Variants in ADCY1 observed in about 807,000 individuals in gnomAD.
The protein encoded by ADCY1 is adenylate cyclase type 1.
A neutral mutation model predicts 105.4 loss-of-function variants in ADCY1; 28 were observed. The observed-to-expected ratio is 0.27, with a 90% CI of 0.20 to 0.36. The LOEUF (loss-of-function observed/expected upper bound fraction) is 0.36, where lower values mean the gene tolerates loss of function less well. Ranked by LOEUF, ADCY1 falls within the 10% of genes least tolerant of loss-of-function variation. The probability of loss-of-function intolerance (pLI) is 1.00; values close to 1 mark genes in which losing one functional copy is unlikely to be tolerated. For synonymous variants in ADCY1, 655 were observed against 623.8 expected (o/e 1.05, Z -0.75); for missense variants, 977 against 1,434.2 (o/e 0.68, Z 5.15).
In ADCY1 at chr7:45,622,619, C is replaced by T. The variant is rs749689747; in HGVS notation, c.909-13C>T. The T allele has an allele frequency of 1.2e-6, 2 of 1,609,664 alleles. No homozygotes were observed. The highest frequency in any genetic ancestry group is 1.7e-5 in the Admixed American group (1 of 59,902). On this transcript the variant is annotated splice_polypyrimidine_tract_variant and intron_variant, in intron 3 of 19. Coordinates refer to ENST00000297323, the MANE Select transcript of ADCY1 (RefSeq NM_021116.4). ...CTGGGAGAAGGGCAGCCTGGCACCC[C>T]TTTCTCTTGCAGCATCCTGTTTGCT...
chr7:45,590,848 G>C (rs549579278), intron 1 of ADCY1, among the ~76,000 whole-genome samples: 1 of 152,254 alleles, frequency 6.6e-6, no homozygotes, highest in South Asian at 2.1e-4. Flanking sequence ...CTGTCCAGCA[G>C]GGGCAACCTC....
chr7:45,593,842 A>G (rs1242492409), intron 2 of ADCY1, among the ~76,000 whole-genome samples: 2 of 152,280 alleles, frequency 1.3e-5, no homozygotes, highest in African/African-American at 4.8e-5. Flanking sequence ...TAGGATATAC[A>G]ATAAAAGTAG....
At chr7:45,645,124 C>G (rs1334699778) in intron 4 of ADCY1, among the ~76,000 whole-genome samples, 1 of 152,092 alleles carries the variant, frequency 6.6e-6, no homozygotes, top group African/African-American at 2.4e-5. Context: ...CACAAGCCCT[C>G]ATCTGCTTGT....
intron 17 of ADCY1, among the ~76,000 whole-genome samples, chr7:45,707,996 C>T (rs138727591): frequency 2.9e-4 from 44 of 152,344 alleles, no homozygotes; most frequent in African/African-American, 9.9e-4. Context: ...AAATTGCCTA[C>T]TCCCTGGCAT....
chr7:45,719,679 ATC>A lies in ADCY1; in HGVS notation c.*5686_*5687del, dbSNP rs1785431701. ...TGTTTCTGTCGTGTGTGTCATGCACATCTGTGTGTTGCATAGCATAAGCCAAA... is the reference window on the plus strand; with the variant it reads ...TGTTTCTGTCGTGTGTGTCATGCACATGTGTGTTGCATAGCATAAGCCAAA... On this transcript the variant is annotated 3_prime_UTR_variant, in exon 20 of 20. Coordinates refer to ENST00000297323, the MANE Select transcript of ADCY1 (RefSeq NM_021116.4). The A allele has an allele frequency of 6.6e-6, 1 of 152,220 alleles. No individual in the cohort carries two copies. The highest frequency in any genetic ancestry group is 2.4e-5 in the African/African-American group (1 of 41,444). The allele number at this position is 152,220 out of a possible 1,614,324, so 9.4% of individuals were successfully genotyped here.
At chr7:45,623,642 G>C (rs1015095467) in intron 4 of ADCY1, among the ~76,000 whole-genome samples, 8 of 152,332 alleles carry the variant, frequency 5.3e-5, no homozygotes, top group Middle Eastern at 3.4e-3. Flanking sequence ...TCAGCCATCA[G>C]ATTGAAAGCT....
chr7:45,677,222 G>A (rs1037547543), intron 8 of ADCY1, among the ~76,000 whole-genome samples: 4 of 152,102 alleles, frequency 2.6e-5, no homozygotes, highest in African/African-American at 4.8e-5. Context: ...TTCTGGAACC[G>A]CATGGCTAGC....
intron 4 of ADCY1, among the ~76,000 whole-genome samples, chr7:45,641,749 AC>A (rs766307741): frequency 5.6e-5 from 8 of 143,076 alleles, no homozygotes; most frequent in Non-Finnish European, 9.1e-5. Flanking sequence ...ACAAGGTGAA[AC>A]CCCGTCTCTA....
intron 4 of ADCY1, among the ~76,000 whole-genome samples, chr7:45,645,274 G>T (rs1794629694): frequency 6.6e-6 from 1 of 152,042 alleles, no homozygotes; most frequent in Non-Finnish European, 1.5e-5. Flanking sequence ...GGCTCCGTGG[G>T]CATCTCTTTA....
chr7:45,663,547 C>T (rs865958331), intron 8 of ADCY1, among the ~76,000 whole-genome samples: 3 of 152,138 alleles, frequency 2.0e-5, no homozygotes, highest in South Asian at 2.1e-4. Flanking sequence ...TTGGCTGGAT[C>T]GGTGGGCTCA....
chr7:45,650,062 T>A (rs1000655907), intron 5 of ADCY1, among the ~76,000 whole-genome samples: 2 of 152,202 alleles, frequency 1.3e-5, no homozygotes, highest in Non-Finnish European at 2.9e-5. Context: ...CATCACCTGT[T>A]CTCTGAAAGG....
At position 45,682,539 on chromosome 7, in the gene ADCY1, A is replaced by T. The variant is rs933976225; in HGVS notation, c.1984-2440A>T. Among the ~76,000 whole-genome samples the T allele has an allele frequency of 3.9e-5, 6 of 152,058 alleles. No homozygotes were observed. In the East Asian group the frequency reaches 1.2e-3, roughly 29 times the overall value. On this transcript the variant is annotated intron_variant, in intron 11 of 19. Coordinates refer to ENST00000297323, the MANE Select transcript of ADCY1 (RefSeq NM_021116.4). The stretch of plus-strand genomic sequence containing the variant: ...AGAGGCCCTTGGCTGGACCCTGGGG[A>T]TGTGGGCACAATGTGGTCCACAAGG...
chr7:45,664,297 C>A (rs895479225), intron 8 of ADCY1: 6 of 1,536,020 alleles, frequency 3.9e-6, no homozygotes, highest in Admixed American at 2.0e-5. Flanking sequence ...AGGTTCAGAT[C>A]CATCCCTCAC....
chr7:45,698,016 C>G (rs1002005865), intron 14 of ADCY1, among the ~76,000 whole-genome samples: 38 of 152,328 alleles, frequency 2.5e-4, no homozygotes, highest in African/African-American at 8.9e-4. Flanking sequence ...CTCATTTATA[C>G]CACAGGGCCA....
intron 2 of ADCY1, among the ~76,000 whole-genome samples, chr7:45,602,250 G>GC (rs1271408657): frequency 6.6e-6 from 1 of 151,832 alleles, no homozygotes; most frequent in Non-Finnish European, 1.5e-5. Flanking sequence ...CCACTTGGGG[G>GC]CTTCAGGGTG....
chr7:45,669,405 A>G (rs1405342707), intron 8 of ADCY1, among the ~76,000 whole-genome samples: 4 of 152,132 alleles, frequency 2.6e-5, no homozygotes, highest in Non-Finnish European at 5.9e-5. Context: ...GTCATTCAGG[A>G]GCAGGTTGTT....
At chr7:45,709,272 T>C (rs966753144) in intron 18 of ADCY1, among the ~76,000 whole-genome samples, 16 of 152,226 alleles carry the variant, frequency 1.1e-4, no homozygotes, top group Admixed American at 1.0e-3. Flanking sequence ...GCAGAGCTAC[T>C]GATGTGCCTG....
At chr7:45,618,375 TG>T (rs371167822) in intron 3 of ADCY1, among the ~76,000 whole-genome samples, 19 of 152,050 alleles carry the variant, frequency 1.2e-4, no homozygotes, top group African/African-American at 4.6e-4. Flanking sequence ...ACTAGAGAAA[TG>T]GGATTATATC....
intron 3 of ADCY1, among the ~76,000 whole-genome samples, chr7:45,613,976 A>C (rs1315558457): frequency 6.6e-6 from 1 of 152,232 alleles, no homozygotes; most frequent in African/African-American, 2.4e-5. Flanking sequence ...AAGCTGAGGA[A>C]GTTCATGACT....
Sources: gnomAD v4.1 joint callset for allele counts (sites outside exome capture counted in the v4.1 genomes callset) on GRCh38, gnomAD v4.1.1 for gene constraint, MANE v1.5 for transcripts, NCBI Gene and HGNC (gene_info 2026-07-23, HGNC 2026-07-21) for gene names.